The following ZNF420 variants were observed in gnomAD, a reference collection of about 807,000 sequenced individuals.
The protein encoded by ZNF420 is zinc finger protein 420.
Under a neutral mutation model 44.7 loss-of-function variants are expected in ZNF420, and 31 were observed. That is an observed-to-expected ratio of 0.69 (90% CI 0.52 to 0.94). The LOEUF (loss-of-function observed/expected upper bound fraction) is 0.94, where lower values mean the gene tolerates loss of function less well. Among genes scored for constraint, ZNF420 ranks in the 40% least tolerant of loss-of-function variants. The probability of loss-of-function intolerance (pLI) is 0.00; values close to 1 mark genes in which losing one functional copy is unlikely to be tolerated. For synonymous variants in ZNF420, 245 were observed against 267.4 expected (o/e 0.92, Z 0.82); for missense variants, 681 against 827.9 (o/e 0.82, Z 2.18).
At chr19:37,054,196 A>C (rs2146428989) in intron 1 of ZNF420, among the ~76,000 whole-genome samples, 1 of 152,312 alleles carries the variant, frequency 6.6e-6, no homozygotes, top group South Asian at 2.1e-4. Context: ...CCATTTGCTA[A>C]GGCCGTTGGA....
chr19:37,078,114 T>A (rs927514111), upstream of ZNF420: 2 of 152,120 alleles, frequency 1.3e-5, no homozygotes, highest in Non-Finnish European at 2.9e-5. Flanking sequence ...GGCCGGCGGG[T>A]CCCACCCTCT....
chr19:37,114,752 AGAAACT>A (rs1391756956), intron 4 of ZNF420, among the ~76,000 whole-genome samples: 1 of 151,916 alleles, frequency 6.6e-6, no homozygotes, highest in Non-Finnish European at 1.5e-5. Context: ...CCAGGGCATC[AGAAACT>A]GAAATGCTAT....
chr19:37,110,662 C>T (rs1970338972), intron 4 of ZNF420, among the ~76,000 whole-genome samples: 1 of 152,158 alleles, frequency 6.6e-6, no homozygotes, highest in South Asian at 2.1e-4. Flanking sequence ...GAATCTGATA[C>T]AATATTGATA....
chr19:37,018,492 G>T (rs371517144), intron 1 of ZNF420, among the ~76,000 whole-genome samples: 183 of 152,250 alleles, frequency 1.2e-3, no homozygotes, highest in African/African-American at 4.3e-3. Context: ...CAGTCAATGG[G>T]GATATGACAG....
chr19:37,100,713 C>CA (rs34286073), intron 4 of ZNF420, among the ~76,000 whole-genome samples: 80,666 of 146,330 alleles, frequency 0.55, 22,708 homozygotes, highest in African/African-American at 0.72. Flanking sequence ...AACTCCATCT[C>CA]AAAAAAAAAA....
chr19:37,050,686 C>T (rs974771876), intron 1 of ZNF420, among the ~76,000 whole-genome samples: 15 of 152,178 alleles, frequency 9.9e-5, no homozygotes, highest in Non-Finnish European at 1.9e-4. Flanking sequence ...TTCCTCTTTT[C>T]CTAATTGAAT....
chr19:37,060,194 A>G (rs1027601676), intron 1 of ZNF420, among the ~76,000 whole-genome samples: 4 of 152,142 alleles, frequency 2.6e-5, no homozygotes, highest in Non-Finnish European at 5.9e-5. Context: ...GGTAAGGACA[A>G]AAGCCTCCCA....
chr19:37,055,407 G>A (rs118097509), intron 1 of ZNF420, among the ~76,000 whole-genome samples: 1,716 of 152,238 alleles, frequency 0.011, 17 homozygotes, highest in Non-Finnish European at 0.017. Context: ...CTCCTCCACC[G>A]GTAAAAGTCG....
intron 4 of ZNF420, among the ~76,000 whole-genome samples, chr19:37,122,353 T>G (rs1163808811): frequency 2.0e-5 from 3 of 151,774 alleles, no homozygotes; most frequent in African/African-American, 4.8e-5. Context: ...CTCAGCAAAC[T>G]ATCTCAAGGA....
Position 37,129,720 on chromosome 19 carries a change from A to C in ZNF420, c.*662A>C, listed in dbSNP as rs181525576. The C allele has an allele frequency of 0.013, 1,941 of 152,608 alleles. 48 individuals are homozygous for C. Among genetic ancestry groups the C allele is most frequent in the African/African-American group, 0.048 (1,814 of 37,708 alleles). 9.5% of individuals were successfully genotyped at this position (152,608 alleles called of 1,614,324 possible). A position where few individuals can be genotyped will look rare whatever the true frequency, so the allele number is the denominator to read the frequency against. On this transcript the variant is annotated 3_prime_UTR_variant, in exon 5 of 5. Transcript: ENST00000337995. ...AATTCATACTGTTAAAAAAAAAAAA[A>C]CCCAGTGGATATAATCAGTGTATTA... is the stretch of plus-strand genomic sequence containing the variant.
At chr19:37,080,840 G>A (rs77329889) in intron 2 of ZNF420, among the ~76,000 whole-genome samples, 2,576 of 151,894 alleles carry the variant, frequency 0.017, 78 homozygotes, top group African/African-American at 0.059. Context: ...ATGGAACGAG[G>A]TTAGGAGATC....
chr19:37,064,379 G>C (rs1208201329), intron 1 of ZNF420, among the ~76,000 whole-genome samples: 1 of 152,108 alleles, frequency 6.6e-6, no homozygotes, highest in East Asian at 1.9e-4. Flanking sequence ...TGACCAGTTT[G>C]CTCCAGATTT....
At chr19:37,097,734 C>T (rs1241043253) in intron 4 of ZNF420, among the ~76,000 whole-genome samples, 1 of 152,050 alleles carries the variant, frequency 6.6e-6, no homozygotes, top group Non-Finnish European at 1.5e-5. Flanking sequence ...ATTATTCCTG[C>T]ATTTGTGGGA....
intron 4 of ZNF420, 63 bp downstream of exon 4, chr19:37,091,184 A>G: frequency 7.0e-7 from 1 of 1,425,514 alleles, no homozygotes; most frequent in South Asian, 1.6e-5. Context: ...CTCTGCTGTT[A>G]TTTCAAATTT....
chr19:37,067,272 A>G (rs906954585), intron 1 of ZNF420, among the ~76,000 whole-genome samples: 1 of 152,214 alleles, frequency 6.6e-6, no homozygotes. Flanking sequence ...GGTAAATTTA[A>G]GATTACACAA....
chr19:37,020,830 C>T (rs142935761), intron 1 of ZNF420, among the ~76,000 whole-genome samples: 4 of 152,072 alleles, frequency 2.6e-5, no homozygotes, highest in African/African-American at 9.7e-5. Flanking sequence ...GAGGTACTTA[C>T]AACAGTCAAC....
intron 1 of ZNF420, among the ~76,000 whole-genome samples, chr19:37,063,203 T>C (rs1967906859): frequency 6.6e-6 from 1 of 152,122 alleles, no homozygotes; most frequent in South Asian, 2.1e-4. Flanking sequence ...TAATGCTACA[T>C]CACCCCTGAA....
intron 1 of ZNF420, among the ~76,000 whole-genome samples, chr19:37,013,983 G>A (rs1425309958): frequency 1.3e-5 from 2 of 152,152 alleles, no homozygotes; most frequent in Admixed American, 6.5e-5. Context: ...TGCGCTCAGG[G>A]GGCTATGGGG....
chr19:37,035,490 C>T (rs533778995), intron 1 of ZNF420, among the ~76,000 whole-genome samples: 7 of 152,298 alleles, frequency 4.6e-5, no homozygotes, highest in East Asian at 1.9e-4. Flanking sequence ...TTGGCCACCA[C>T]GCCTGGCCAC....
Sources: gnomAD v4.1 joint callset for allele counts (sites outside exome capture counted in the v4.1 genomes callset) on GRCh38, gnomAD v4.1.1 for gene constraint, MANE v1.5 for transcripts, NCBI Gene and HGNC (gene_info 2026-07-23, HGNC 2026-07-21) for gene names.